Variants in YLPM1 observed in about 807,000 individuals in gnomAD.
The protein encoded by YLPM1 is YLP motif containing 1.
A neutral mutation model predicts 230.0 loss-of-function variants in YLPM1; 99 were observed. The observed-to-expected ratio is 0.43, with a 90% confidence interval of 0.37 to 0.51. The LOEUF (loss-of-function observed/expected upper bound fraction) is 0.51, where lower values mean the gene tolerates loss of function less well. Among genes scored for constraint, YLPM1 ranks in the 20% least tolerant of loss-of-function variants. The pLI is 0.00. For synonymous variants in YLPM1, 984 were observed against 942.5 expected (o/e 1.04, Z -0.81); for missense variants, 2,592 against 2,707.7 (o/e 0.96, Z 0.95).
chr14:74,783,163 C>G (rs1333491906), intron 4 of YLPM1, among the ~76,000 whole-genome samples: 1 of 152,124 alleles, frequency 6.6e-6, no homozygotes, highest in African/African-American at 2.4e-5. Context: ...CTCCTGGGTT[C>G]AAGCAGTCCT....
At chr14:74,766,986 C>T (rs990121923) in intron 1 of YLPM1, among the ~76,000 whole-genome samples, 2 of 149,728 alleles carry the variant, frequency 1.3e-5, no homozygotes, top group African/African-American at 4.9e-5. Context: ...CGGGTTCAAG[C>T]GATTCTCCTG....
At chr14:74,794,041 T>A (rs985791971) in intron 4 of YLPM1, among the ~76,000 whole-genome samples, 7 of 152,200 alleles carry the variant, frequency 4.6e-5, no homozygotes, top group African/African-American at 1.7e-4. Flanking sequence ...TCTTTGTCTT[T>A]CAGAATGTAC....
At chr14:74,832,994 G>A (rs2091619387) in intron 19 of YLPM1, among the ~76,000 whole-genome samples, 1 of 151,462 alleles carries the variant, frequency 6.6e-6, no homozygotes, top group Admixed American at 6.6e-5. Context: ...AGGATGCCGT[G>A]GGAATGGATT....
chr14:74,781,889 C>G lies in YLPM1; in HGVS notation c.1846C>G (p.Pro616Ala). ...PPPSLSSTAP[P>A]PVMPLPPLSS... ...ACCATCTCTCTCTTCAACAGCACCT[C>G]CACCTGTCATGCCCCTCCCACCATT... The change falls in exon 4 of 21, where the codon CCA (proline) becomes GCA (alanine). Residue 616 changes from proline to alanine, a missense_variant. Coordinates refer to ENST00000325680, the MANE Select transcript of YLPM1 (RefSeq NM_019589.3). The G allele has an allele frequency of 6.2e-7, 1 of 1,613,776 alleles. No individual in the cohort carries two copies. The highest frequency in any genetic ancestry group is 8.5e-7 in the Non-Finnish European group (1 of 1,179,830).
rs2090881547 is a variant in YLPM1 at position 74,764,016 on chromosome 14, C to A, written c.527C>A (p.Pro176His). 1 of 1,608,706 alleles carries A rather than the reference C, an allele frequency of 6.2e-7. No individual in the cohort carries two copies. The highest frequency in any genetic ancestry group is 8.5e-7 in the Non-Finnish European group (1 of 1,177,878). ...PPPQPPPSYYPPTSSQPYLPP... is the reference protein window; with the variant it reads ...PPPQPPPSYYHPTSSQPYLPP... ...CCTCAGCCGCCACCCTCTTACTACCCCCCGACCTCATCTCAGCCCTACCTG... is the reference window on the plus strand; with the variant it reads ...CCTCAGCCGCCACCCTCTTACTACCACCCGACCTCATCTCAGCCCTACCTG... Residue 176 changes from proline (P) to histidine (H), a missense_variant, in exon 1 of 21, where the codon CCC becomes CAC. Physicochemically the swap from Pro to His is moderately conservative, Grantham distance 77. Transcript: ENST00000325680.
chr14:74,784,561 G>A (rs1240003192), intron 4 of YLPM1, among the ~76,000 whole-genome samples: 1 of 152,212 alleles, frequency 6.6e-6, no homozygotes, highest in African/African-American at 2.4e-5. Context: ...TAAGTCCATT[G>A]TACTTTCTGT....
At chr14:74,778,789 T>A in intron 2 of YLPM1, 106 bp downstream of exon 2, 1 of 951,584 alleles carries the variant, frequency 1.1e-6, no homozygotes, top group Non-Finnish European at 1.5e-6. Flanking sequence ...TTTTTTTAGG[T>A]ACCTATAAAG....
chr14:74,781,818 C>T lies in YLPM1; in HGVS notation c.1775C>T (p.Pro592Leu), dbSNP rs776999896. 4 of 1,612,188 alleles carry T rather than the reference C, an allele frequency of 2.5e-6. No homozygotes were observed. The highest frequency in any genetic ancestry group is 1.7e-5 in the Admixed American group (1 of 59,856). Residue 592 changes from proline (P) to leucine (L), a missense_variant, in exon 4 of 21, where the codon CCC becomes CTC. This residue lies in a region of YLPM1 where 1,862 missense variants were observed against 1,819.8 expected (regional missense o/e 1.02). Transcript: ENST00000325680. ...LSSAGPPPVL[P>L]PPSLSSAGPP... is the part of the protein sequence containing the mutation. Reference sequence around the variant, plus strand: ...TCTGCAGGGCCACCACCAGTTCTCCCCCCACCTTCCCTGTCTTCTGCAGGG... The same window carrying T: ...TCTGCAGGGCCACCACCAGTTCTCCTCCCACCTTCCCTGTCTTCTGCAGGG...
At position 74,835,583 on chromosome 14, in the gene YLPM1, AGTT is replaced by A. The variant is rs894903089; in HGVS notation, c.*36+140_*36+142del. On this transcript the variant is annotated intron_variant, in intron 20 of 20. Transcript: ENST00000325680. ...AGTTCTGAAAGAGTAAGTATGTACTAGTTGTTAACATTTACAATACTATTAGAA... is the reference window on the plus strand; with the variant it reads ...AGTTCTGAAAGAGTAAGTATGTACTAGTTAACATTTACAATACTATTAGAA... 7 of 751,938 alleles carry A rather than the reference AGTT, an allele frequency of 9.3e-6. No homozygotes were observed. In the African/African-American group the frequency reaches 1.1e-4, roughly 11 times the overall value. The allele number at this position is 751,938 out of a possible 1,614,324, so 46.6% of individuals were successfully genotyped here.
In YLPM1 at chr14:74,817,084, G is replaced by T. The variant is rs779903283; in HGVS notation, c.5839G>T (p.Ala1947Ser). 2.1e-5 allele frequency: 33 copies of T among 1,604,020 alleles called. No homozygotes were observed. Among genetic ancestry groups the T allele is most frequent in the Non-Finnish European group, 2.8e-5 (33 of 1,176,426 alleles). Residue 1947 changes from alanine (A) to serine (S), a missense_variant, in exon 14 of 21, where the codon GCA becomes TCA. Transcript: ENST00000325680. ...RVRHFDQFWS[A>S]AKTKGFEVYL... ...TAGGCATTTTGACCAGTTTTGGAGT[G>T]CAGCAAAAACCAAGGGATTTGAGGT...
chr14:74,832,762 T>G (rs1292547570), intron 19 of YLPM1, among the ~76,000 whole-genome samples: 2 of 152,214 alleles, frequency 1.3e-5, no homozygotes, highest in Non-Finnish European at 2.9e-5. Context: ...CGTGAGCCAC[T>G]GTGCCTGGCC....
At chr14:74,820,009 A>G (rs2091508582) in intron 16 of YLPM1, among the ~76,000 whole-genome samples, 1 of 152,208 alleles carries the variant, frequency 6.6e-6, no homozygotes, top group Non-Finnish European at 1.5e-5. Context: ...AGATTGAATT[A>G]TATTACTATC....
Position 74,778,692 on chromosome 14 carries a change from ATAAT to A in YLPM1, c.1110+15_1110+18del. 1 of 1,543,132 alleles carries A rather than the reference ATAAT, an allele frequency of 6.5e-7. No individual in the cohort carries two copies. The highest frequency in any genetic ancestry group is 8.8e-7 in the Non-Finnish European group (1 of 1,141,904). On this transcript the variant is annotated intron_variant, in intron 2 of 20. Coordinates refer to ENST00000325680, the MANE Select transcript of YLPM1 (RefSeq NM_019589.3). ...CACCTGAGGAACCCCAGGTAACCATATAATTAATTGTTTGTGTTTATTAAATTAT... is the reference window on the plus strand; with the variant it reads ...CACCTGAGGAACCCCAGGTAACCATATAATTGTTTGTGTTTATTAAATTAT...
intron 8 of YLPM1, 45 bp downstream of exon 8, chr14:74,810,047 T>C (rs1360566605): frequency 6.6e-7 from 1 of 1,520,794 alleles, no homozygotes; most frequent in African/African-American, 1.4e-5. Flanking sequence ...TTTTAGGGCC[T>C]AATTATCACA....
intron 1 of YLPM1, among the ~76,000 whole-genome samples, chr14:74,773,094 T>G (rs1410418061): frequency 6.6e-6 from 1 of 152,120 alleles, no homozygotes; most frequent in Non-Finnish European, 1.5e-5. Context: ...GAGACCATCC[T>G]GGCTAACATG....
intron 1 of YLPM1, 64 bp from the exon 2 acceptor site, chr14:74,778,383 C>T (rs1336724733): frequency 7.0e-7 from 1 of 1,433,886 alleles, no homozygotes; most frequent in Non-Finnish European, 9.5e-7. Flanking sequence ...AGGTCCTTGT[C>T]AACACCAAGT....
At chr14:74,795,262 A>G (rs376398092) in intron 4 of YLPM1, among the ~76,000 whole-genome samples, 1 of 152,180 alleles carries the variant, frequency 6.6e-6, no homozygotes. Context: ...TGGGGTCTCA[A>G]CTTCAGGTTA....
Position 74,763,495 on chromosome 14 carries a change from C to A in YLPM1, c.6C>A (p.Tyr2Ter). The A allele has an allele frequency of 6.7e-7, 1 of 1,484,998 alleles. No homozygotes were observed. Among genetic ancestry groups the A allele is most frequent in the Non-Finnish European group, 9.0e-7 (1 of 1,114,324 alleles). 92.0% of individuals were successfully genotyped at this position (1,484,998 alleles called of 1,614,324 possible). A position where few individuals can be genotyped will look rare whatever the true frequency, so the allele number is the denominator to read the frequency against. Residue 2 changes from tyrosine to a stop codon, truncating the protein, a stop_gained, in exon 1 of 21, where the codon TAC becomes TAA. Coordinates refer to ENST00000325680, the MANE Select transcript of YLPM1 (RefSeq NM_019589.3). LOFTEE classifies it high-confidence loss of function. M[Y>*]PNWGRYGGSS... ...CCTGCGCCTTCTTTTTCGATATGTA[C>A]CCGAATTGGGGCCGGTATGGCGGGA... is the stretch of plus-strand genomic sequence containing the variant.
At position 74,777,047 on chromosome 14, in the gene YLPM1, T is replaced by C. The variant is rs79401008; in HGVS notation, c.874-1400T>C. 4.9e-3 allele frequency among the ~76,000 whole-genome samples: 735 copies of C among 148,854 alleles called. 8 individuals carry two copies. Among genetic ancestry groups the C allele is most frequent in the African/African-American group, 0.016 (646 of 40,488 alleles). ...CTCCAGCCTGGGTGACAGAGGGAGA[T>C]GACCCTGTCTCAAAAAAAGAAAAAA... On this transcript the variant is annotated intron_variant, in intron 1 of 20. Coordinates refer to ENST00000325680, the MANE Select transcript of YLPM1 (RefSeq NM_019589.3).
Sources: gnomAD v4.1 joint callset for allele counts (sites outside exome capture counted in the v4.1 genomes callset) on GRCh38, gnomAD v4.1.1 for gene constraint, gnomAD v4.1.1 regional missense constraint, MANE v1.5 for transcripts, NCBI Gene and HGNC (gene_info 2026-07-23, HGNC 2026-07-21) for gene names.